GRID2: variants seen among roughly 807,000 people sequenced by gnomAD.
GRID2 encodes the protein glutamate ionotropic receptor delta type subunit 2.
Under a neutral mutation model 114.8 loss-of-function variants are expected in GRID2, and 33 were observed. The ratio of observed to expected loss-of-function variants is 0.29; its 90% CI spans 0.22 to 0.38. The LOEUF (loss-of-function observed/expected upper bound fraction) is 0.38, where lower values mean the gene tolerates loss of function less well. Among genes scored for constraint, GRID2 ranks in the 10% least tolerant of loss-of-function variants. The probability of loss-of-function intolerance (pLI) is 1.00; values close to 1 mark genes in which losing one functional copy is unlikely to be tolerated. For missense variants in GRID2, 1,184 were observed against 1,257.7 expected, an observed-to-expected ratio of 0.94 and a Z score of 0.89; for synonymous variants, 505 against 449.9, an observed-to-expected ratio of 1.12 and a Z score of -1.55.
In GRID2 at chr4:92,498,475, A is replaced by G. The variant is rs182803878; in HGVS notation, c.89-91656A>G. On this transcript the variant is annotated intron_variant, in intron 1 of 15. Coordinates refer to ENST00000282020, the MANE Select transcript of GRID2 (RefSeq NM_001510.4). ...ACAAAGCTAAAAACTGATTATGCAA[A>G]AGATAAATTTGTTGAATACACGAAA... Among the ~76,000 whole-genome samples the G allele has an allele frequency of 5.2e-3, 798 of 152,050 alleles. 7 individuals carry two copies. The highest frequency in any genetic ancestry group is 0.017 in the African/African-American group (714 of 41,548).
At chr4:93,343,074 A>G (rs1180295101) in intron 8 of GRID2, among the ~76,000 whole-genome samples, 2 of 152,042 alleles carry the variant, frequency 1.3e-5, no homozygotes. Flanking sequence ...AGGACAATAA[A>G]GAGGGCCTGT....
chr4:93,309,951 T>C (rs1227889687), intron 8 of GRID2, among the ~76,000 whole-genome samples: 1 of 152,156 alleles, frequency 6.6e-6, no homozygotes, highest in Non-Finnish European at 1.5e-5. Flanking sequence ...TTATACATAT[T>C]GTGCAGGGTG....
rs558030343 is a variant in GRID2 at position 93,213,892 on chromosome 4, T to C, written c.790-2846T>C. ...GAATAAGAATATTTTGTCGGACATA[T>C]TGACTTTGATTCTTAGTAGTTTTCA... On this transcript the variant is annotated intron_variant, in intron 5 of 15. Transcript: ENST00000282020. Among the ~76,000 whole-genome samples the C allele has an allele frequency of 6.6e-5, 10 of 152,240 alleles. No homozygotes were observed. The South Asian group carries it at 8.3e-4, about 13-fold the overall frequency.
At chr4:93,162,212 A>T (rs1224290413) in intron 4 of GRID2, among the ~76,000 whole-genome samples, 2 of 151,936 alleles carry the variant, frequency 1.3e-5, no homozygotes, top group Non-Finnish European at 2.9e-5. Context: ...AGACTGACAG[A>T]TAACAATTTT....
intron 2 of GRID2, among the ~76,000 whole-genome samples, chr4:92,729,405 A>G (rs888769091): frequency 1.3e-5 from 2 of 151,974 alleles, no homozygotes; most frequent in South Asian, 2.1e-4. Flanking sequence ...TTACCTGTGT[A>G]TGTTCACCAC....
At chr4:93,804,616 A>G (rs949104265) in intron 1 of GRID2, among the ~76,000 whole-genome samples, 1 of 152,238 alleles carries the variant, frequency 6.6e-6, no homozygotes, top group African/African-American at 2.4e-5. Context: ...TGGGACAAAT[A>G]AAAGAGATCC....
intron 1 of GRID2, among the ~76,000 whole-genome samples, chr4:92,410,787 G>T (rs903380194): frequency 1.1e-4 from 16 of 150,764 alleles, no homozygotes; most frequent in Non-Finnish European, 2.2e-4. Context: ...AAGGTAATGT[G>T]GTACATATCG....
rs1275088613 is a variant in GRID2 at position 92,934,760 on chromosome 4, CA to C, written c.245-150232del. On this transcript the variant is annotated intron_variant, in intron 2 of 15. Transcript: ENST00000282020. ...ATGTCTACAACTATCTGATCTTTGA[CA>C]AACCTGAGAAAAACAAGCAGTGGGG... is the stretch of plus-strand genomic sequence containing the variant. Among the ~76,000 whole-genome samples the C allele has an allele frequency of 4.8e-5, 7 of 146,774 alleles. No homozygotes were observed. The Admixed American group carries it at 5.2e-4, about 11-fold the overall frequency.
chr4:92,643,989 A>C (rs937348741), intron 2 of GRID2, among the ~76,000 whole-genome samples: 9 of 151,748 alleles, frequency 5.9e-5, no homozygotes, highest in African/African-American at 1.9e-4. Context: ...TTGTCTTATG[A>C]ATGCTTTATT....
chr4:92,390,153 G>A (rs1010193639), intron 1 of GRID2, among the ~76,000 whole-genome samples: 2 of 151,886 alleles, frequency 1.3e-5, no homozygotes, highest in Admixed American at 6.6e-5. Flanking sequence ...AATTTAACAC[G>A]GAAGACAGAT....
chr4:93,634,011 AAACCAGAAGTTAAACAGTT>A (rs1721187516), intron 14 of GRID2, among the ~76,000 whole-genome samples: 1 of 152,142 alleles, frequency 6.6e-6, no homozygotes, highest in Non-Finnish European at 1.5e-5. Context: ...AAGGTACATA[AAACCAGAAGTTAAACAGTT>A]AACTGGCTTC....
chr4:92,768,235 C>T lies in GRID2; in HGVS notation c.244+177949C>T, dbSNP rs1262305709. Among the ~76,000 whole-genome samples the T allele has an allele frequency of 2.6e-5, 4 of 151,998 alleles. No homozygotes were observed. In the East Asian group the frequency reaches 7.7e-4, roughly 29 times the overall value. On this transcript the variant is annotated intron_variant, in intron 2 of 15. Coordinates refer to ENST00000282020, the MANE Select transcript of GRID2 (RefSeq NM_001510.4). ...GTTTTTCTATTGTTATATGTGTGTT[C>T]CTGTTACATATGAGTGTTTTGCATT... is the stretch of plus-strand genomic sequence containing the variant.
chr4:92,854,817 T>A (rs1468093236), intron 2 of GRID2, among the ~76,000 whole-genome samples: 1 of 152,002 alleles, frequency 6.6e-6, no homozygotes. Context: ...ATTTTTTAAA[T>A]GAAGATTGAA....
At chr4:92,638,165 TA>T (rs942862486) in intron 2 of GRID2, among the ~76,000 whole-genome samples, 5 of 151,836 alleles carry the variant, frequency 3.3e-5, no homozygotes, top group East Asian at 1.9e-4. Flanking sequence ...ATTTATAGAA[TA>T]GGGGGATTAT....
chr4:92,931,449 C>T lies in GRID2; in HGVS notation c.245-153546C>T, dbSNP rs369945143. 1.7e-4 allele frequency among the ~76,000 whole-genome samples: 25 copies of T among 150,730 alleles called. No homozygotes were observed. In the East Asian group the frequency reaches 4.1e-3, roughly 25 times the overall value. On this transcript the variant is annotated intron_variant, in intron 2 of 15. Transcript: ENST00000282020. ...CAAGATCTCTTCCTACTCCTGTACTCAACATTGCATTAGAATTCTTATGGT... is the reference window on the plus strand; with the variant it reads ...CAAGATCTCTTCCTACTCCTGTACTTAACATTGCATTAGAATTCTTATGGT...
intron 1 of GRID2, among the ~76,000 whole-genome samples, chr4:93,787,621 G>T (rs1340448873): frequency 2.0e-5 from 3 of 152,088 alleles, no homozygotes; most frequent in African/African-American, 7.2e-5. Flanking sequence ...ACTGGTCATT[G>T]TCTTTCTCCT....
intron 9 of GRID2, among the ~76,000 whole-genome samples, chr4:93,401,977 A>G: frequency 6.6e-6 from 1 of 151,484 alleles, no homozygotes; most frequent in East Asian, 1.9e-4. Context: ...CCAGAGTCTT[A>G]ATTTGTACAA....
At chr4:92,695,049 C>T (rs922465476) in intron 2 of GRID2, among the ~76,000 whole-genome samples, 11 of 152,060 alleles carry the variant, frequency 7.2e-5, no homozygotes, top group Admixed American at 5.9e-4. Flanking sequence ...TCACTGCAAC[C>T]CCTACTTCCC....
At chr4:93,180,508 G>A (rs1235380959) in intron 4 of GRID2, among the ~76,000 whole-genome samples, 1 of 152,206 alleles carries the variant, frequency 6.6e-6, no homozygotes, top group East Asian at 1.9e-4. Context: ...AGTGAAGTTT[G>A]TCATACCAAT....
Sources: allele counts gnomAD v4.1 joint callset (sites outside exome capture counted in the v4.1 genomes callset), GRCh38; gene constraint gnomAD v4.1.1; transcripts MANE v1.5; gene names NCBI Gene and HGNC (gene_info 2026-07-23, HGNC 2026-07-21).